Variants in SLC22A25 observed in about 807,000 individuals in gnomAD.
SLC22A25 encodes the protein MGI:2442751, MGI:2385316, MGI:3042283, MGI:3645714, MGI:3605624, MGI:2442750.
In SLC22A25, 44 loss-of-function variants were observed where a neutral mutation model predicts 45.9. That is an observed-to-expected ratio of 0.96 (90% confidence interval 0.75 to 1.23). The LOEUF is 1.23. SLC22A25 is among the 50% of genes most tolerant of loss of function. The pLI, the probability that SLC22A25 is intolerant of heterozygous loss-of-function variation, is 0.00. For missense variants in SLC22A25, 800 were observed against 666.4 expected (o/e 1.20, Z -2.21); for synonymous variants, 283 against 238.6 (o/e 1.19, Z -1.72).
At chr11:63,193,547 C>CCAA in intron 7 of SLC22A25, among the ~76,000 whole-genome samples, 1 of 152,340 alleles carries the variant, frequency 6.6e-6, no homozygotes, top group Middle Eastern at 3.4e-3. Context: ...CCAGCAAACT[C>CCAA]CAACAGACCT....
At chr11:63,173,988 GTT>G (rs960997215) in intron 9 of SLC22A25, among the ~76,000 whole-genome samples, 1 of 151,238 alleles carries the variant, frequency 6.6e-6, no homozygotes, top group African/African-American at 2.4e-5. Context: ...TGCCATGGTG[GTT>G]TGCTGCACCC....
rs1565091135 is a variant in SLC22A25, at chr11:63,194,889, G to GAA, written c.831-11073_831-11072insTT. ...GGAAAATCTACCAAGCAAATGGAAA[G>GAA]CAAAAAAAAAAAAAAAAAAAAAAAA... On this transcript the variant is annotated intron_variant, in intron 7 of 11. Coordinates refer to ENST00000306494, the MANE Select transcript of SLC22A25 (RefSeq NM_199352.6). Among the ~76,000 whole-genome samples, 14 of 14,314 alleles carry GAA rather than the reference G, an allele frequency of 9.8e-4. 2 individuals are homozygous for GAA. The highest frequency in any genetic ancestry group is 2.0e-3 in the Non-Finnish European group (14 of 7,062). The allele number at this position is 14,314 out of a possible 152,430, so 9.4% of individuals were successfully genotyped here.
intron 5 of SLC22A25, among the ~76,000 whole-genome samples, chr11:63,221,511 T>G (rs1326595230): frequency 6.6e-6 from 1 of 152,160 alleles, no homozygotes; most frequent in African/African-American, 2.4e-5. Context: ...TGCACACTCC[T>G]TATATATTCT....
intron 7 of SLC22A25, among the ~76,000 whole-genome samples, chr11:63,198,203 A>C (rs1017698114): frequency 1.3e-5 from 2 of 152,210 alleles, no homozygotes; most frequent in Non-Finnish European, 2.9e-5. Context: ...ATACCATTTG[A>C]CCCAGCGATC....
At chr11:63,212,496 T>G (rs888382341) in intron 7 of SLC22A25, among the ~76,000 whole-genome samples, 18 of 152,004 alleles carry the variant, frequency 1.2e-4, no homozygotes, top group African/African-American at 3.4e-4. Context: ...CATAAAAAAT[T>G]ATGAGTTCAT....
chr11:63,242,540 A>G (rs1052837359), intron 1 of SLC22A25, among the ~76,000 whole-genome samples: 27 of 152,124 alleles, frequency 1.8e-4, no homozygotes, highest in African/African-American at 6.3e-4. Flanking sequence ...AAACTCAGCT[A>G]TACCCCATCA....
chr11:63,225,896 G>T (rs2089952550), intron 5 of SLC22A25, among the ~76,000 whole-genome samples: 1 of 151,754 alleles, frequency 6.6e-6, no homozygotes, highest in Non-Finnish European at 1.5e-5. Context: ...TCTTTCTTCT[G>T]CTTGATCAAT....
At chr11:63,172,076 A>G (rs1369159042) in intron 9 of SLC22A25, among the ~76,000 whole-genome samples, 1 of 152,232 alleles carries the variant, frequency 6.6e-6, no homozygotes, top group Non-Finnish European at 1.5e-5. Context: ...TGGTGCTGGG[A>G]AAACTGGCTA....
chr11:63,187,639 G>A (rs1189756638), intron 7 of SLC22A25, among the ~76,000 whole-genome samples: 3 of 152,178 alleles, frequency 2.0e-5, no homozygotes, highest in Non-Finnish European at 4.4e-5. Flanking sequence ...CAAAGGGAAT[G>A]CTTCCGGTTT....
intron 7 of SLC22A25, among the ~76,000 whole-genome samples, chr11:63,204,483 A>G (rs1256933204): frequency 1.3e-5 from 2 of 152,344 alleles, no homozygotes; most frequent in Middle Eastern, 3.4e-3. Context: ...GCAAATAGAA[A>G]GAAAAGCAGG....
intron 9 of SLC22A25, among the ~76,000 whole-genome samples, chr11:63,170,816 A>T (rs1200255762): frequency 6.8e-6 from 1 of 146,454 alleles, no homozygotes; most frequent in Non-Finnish European, 1.5e-5. Flanking sequence ...ATATTTTATG[A>T]GGCCAGCATT....
intron 9 of SLC22A25, among the ~76,000 whole-genome samples, chr11:63,172,024 G>A (rs773848926): frequency 1.3e-5 from 2 of 152,108 alleles, no homozygotes; most frequent in East Asian, 1.9e-4. Context: ...TGACAAACCT[G>A]ACACAAATGA....
chr11:63,235,116 T>A (rs553318300), intron 3 of SLC22A25, among the ~76,000 whole-genome samples: 1 of 152,336 alleles, frequency 6.6e-6, no homozygotes, highest in South Asian at 2.1e-4. Context: ...CTGATAATTA[T>A]GTGTCTTGGA....
intron 5 of SLC22A25, among the ~76,000 whole-genome samples, chr11:63,219,338 G>A (rs983811462): frequency 1.3e-5 from 2 of 152,124 alleles, no homozygotes; most frequent in African/African-American, 4.8e-5. Context: ...AAATCCTAAA[G>A]AGAATCACCT....
chr11:63,206,839 A>G (rs1305945370), intron 7 of SLC22A25, among the ~76,000 whole-genome samples: 1 of 152,226 alleles, frequency 6.6e-6, no homozygotes, highest in African/African-American at 2.4e-5. Context: ...GTTAAGCAAA[A>G]AGAACAAAGC....
intron 7 of SLC22A25, among the ~76,000 whole-genome samples, chr11:63,198,718 A>T (rs1001721100): frequency 2.6e-5 from 4 of 151,546 alleles, no homozygotes; most frequent in African/African-American, 9.8e-5. Context: ...TAAGTATAAT[A>T]AAAAAAAGAA....
intron 8 of SLC22A25, among the ~76,000 whole-genome samples, chr11:63,182,188 A>T (rs570835119): frequency 6.6e-6 from 1 of 152,262 alleles, no homozygotes; most frequent in South Asian, 2.1e-4. Context: ...TAGAATCCAC[A>T]TCCTAAACCA....
chr11:63,219,997 A>C (rs575511124), intron 5 of SLC22A25: 1 of 1,289,298 alleles, frequency 7.8e-7, no homozygotes, highest in East Asian at 5.6e-5. Context: ...CAGTGGAGAC[A>C]TGGTTGGGCG....
chr11:63,186,864 G>A (rs1181064669), intron 7 of SLC22A25, among the ~76,000 whole-genome samples: 3 of 151,986 alleles, frequency 2.0e-5, no homozygotes, highest in Non-Finnish European at 4.4e-5. Flanking sequence ...TAGATATGTG[G>A]CATTATTTCT....
Sources: gnomAD v4.1 joint callset for allele counts (sites outside exome capture counted in the v4.1 genomes callset) on GRCh38, gnomAD v4.1.1 for gene constraint, MANE v1.5 for transcripts, NCBI Gene and HGNC (gene_info 2026-07-23, HGNC 2026-07-21) for gene names.